Variants in GALNT13 observed in about 807,000 individuals in gnomAD.
The protein encoded by GALNT13 is polypeptide N-acetylgalactosaminyltransferase 13.
In GALNT13, 28 loss-of-function variants were observed where a neutral mutation model predicts 64.2. The ratio of observed to expected loss-of-function variants is 0.44; its 90% CI spans 0.32 to 0.60. The LOEUF is 0.60. Ranked by LOEUF, GALNT13 falls within the 20% of genes least tolerant of loss-of-function variation. The pLI, the probability that GALNT13 is intolerant of heterozygous loss-of-function variation, is 0.05. For synonymous variants in GALNT13, 214 were observed against 224.6 expected, an observed-to-expected ratio of 0.95 and a Z score of 0.42; for missense variants, 577 against 669.8, an observed-to-expected ratio of 0.86 and a Z score of 1.53.
chr2:154,211,588 A>T (rs1162576187), intron 4 of GALNT13, among the ~76,000 whole-genome samples: 2 of 129,416 alleles, frequency 1.5e-5, no homozygotes, highest in Non-Finnish European at 3.1e-5. Context: ...AGATTGCACC[A>T]TTGCACTCCA....
the GALNT13 span, among the ~76,000 whole-genome samples, chr2:153,491,812 G>C: frequency 6.6e-6 from 1 of 151,786 alleles, no homozygotes; most frequent in Non-Finnish European, 1.5e-5. Context: ...GTAGAGACAG[G>C]GTTTCACCAT....
the GALNT13 span, among the ~76,000 whole-genome samples, chr2:153,640,409 T>C: frequency 2.0e-5 from 3 of 152,100 alleles, no homozygotes; most frequent in Non-Finnish European, 4.4e-5. Flanking sequence ...GCTCAAATGA[T>C]CACTACATTT....
the GALNT13 span, among the ~76,000 whole-genome samples, chr2:153,466,460 T>TA: frequency 0.031 from 4,777 of 151,706 alleles, 103 homozygotes; most frequent in Middle Eastern, 0.071. Context: ...GTTTTTTTTT[T>TA]AATATATCTG....
chr2:153,909,333 A>C (rs929762005), intron 2 of GALNT13, among the ~76,000 whole-genome samples: 1 of 152,066 alleles, frequency 6.6e-6, no homozygotes, highest in Non-Finnish European at 1.5e-5. Context: ...AGGAGCTTTC[A>C]AGCTGAGATT....
Position 154,453,012 on chromosome 2 carries a change from T to A in GALNT13, c.*2461T>A, listed in dbSNP as rs944888402. The A allele has an allele frequency of 3.8e-4, 58 of 152,124 alleles. 1 individual carries two copies. Among genetic ancestry groups the A allele is most frequent in the African/African-American group, 1.3e-3 (53 of 41,446 alleles). 9.4% of individuals were successfully genotyped at this position (152,124 alleles called of 1,614,324 possible). On this transcript the variant is annotated 3_prime_UTR_variant, in exon 13 of 13. Transcript: ENST00000392825. The stretch of plus-strand genomic sequence containing the variant: ...TGAAAGTTGCTTTTGACTCCTCTAT[T>A]TCTGTTTCAACTCTCGTCTAATCCA...
the GALNT13 span, among the ~76,000 whole-genome samples, chr2:153,671,348 ATC>A: frequency 1.3e-5 from 2 of 152,206 alleles, no homozygotes; most frequent in Non-Finnish European, 2.9e-5. Context: ...CTAACAGTGG[ATC>A]TCTCTGCAGA....
chr2:153,666,854 G>T, the GALNT13 span, among the ~76,000 whole-genome samples: 3 of 152,070 alleles, frequency 2.0e-5, no homozygotes, highest in African/African-American at 7.2e-5. Context: ...TTCAGAATCA[G>T]GGTGGAAATG....
intron 4 of GALNT13, among the ~76,000 whole-genome samples, chr2:154,238,793 T>C (rs1689328219): frequency 6.6e-6 from 1 of 152,034 alleles, no homozygotes; most frequent in Non-Finnish European, 1.5e-5. Flanking sequence ...TGTGAAATGA[T>C]CAAGTTAACA....
the GALNT13 span, among the ~76,000 whole-genome samples, chr2:153,339,997 T>C: frequency 6.6e-4 from 100 of 152,262 alleles, 1 homozygote; most frequent in African/African-American, 2.3e-3. Flanking sequence ...GTCTTTATTA[T>C]TGTAGCTTTA....
the GALNT13 span, among the ~76,000 whole-genome samples, chr2:153,788,540 A>G: frequency 3.9e-5 from 6 of 152,150 alleles, no homozygotes; most frequent in Admixed American, 3.9e-4. Flanking sequence ...GCAACCACAC[A>G]AACAAGTTGA....
At chr2:154,442,588 C>G (rs916576918) in intron 12 of GALNT13, among the ~76,000 whole-genome samples, 1 of 152,062 alleles carries the variant, frequency 6.6e-6, no homozygotes, top group South Asian at 2.1e-4. Context: ...GAAAAAAATT[C>G]ATCTCACTGA....
intron 3 of GALNT13, among the ~76,000 whole-genome samples, chr2:154,054,765 G>A (rs1699815446): frequency 6.6e-6 from 1 of 151,884 alleles, no homozygotes; most frequent in Non-Finnish European, 1.5e-5. Context: ...TTGTAGGAGG[G>A]AAACAGGATC....
intron 2 of GALNT13, among the ~76,000 whole-genome samples, chr2:153,914,570 T>C (rs1270218863): frequency 6.6e-6 from 1 of 152,288 alleles, no homozygotes; most frequent in Non-Finnish European, 1.5e-5. Context: ...TATTCTGATT[T>C]TGTTAGGATT....
At chr2:153,858,896 C>T in the GALNT13 span, among the ~76,000 whole-genome samples, 3 of 152,114 alleles carry the variant, frequency 2.0e-5, no homozygotes, top group Admixed American at 1.3e-4. Context: ...CCATGCCCAA[C>T]TAATTTTTGT....
chr2:154,070,940 A>G (rs1225367798), intron 3 of GALNT13, among the ~76,000 whole-genome samples: 1 of 151,838 alleles, frequency 6.6e-6, no homozygotes, highest in Non-Finnish European at 1.5e-5. Flanking sequence ...AGAAAAAAGG[A>G]AAAAGAAAAG....
the GALNT13 span, among the ~76,000 whole-genome samples, chr2:153,683,022 TAGGAAAAAAA>T: frequency 4.6e-5 from 7 of 151,734 alleles, no homozygotes; most frequent in East Asian, 1.4e-3. Flanking sequence ...GGTGAATGAT[TAGGAAAAAAA>T]AGGAAAAACA....
the GALNT13 span, among the ~76,000 whole-genome samples, chr2:153,113,610 G>A: frequency 6.6e-6 from 1 of 151,964 alleles, no homozygotes; most frequent in Non-Finnish European, 1.5e-5. Flanking sequence ...AAGATGGATT[G>A]TTGTAGTCTT....
the GALNT13 span, among the ~76,000 whole-genome samples, chr2:153,132,678 C>G: frequency 9.9e-5 from 15 of 152,230 alleles, no homozygotes; most frequent in South Asian, 2.7e-3. Context: ...TTGGTGAAGA[C>G]ATTTCTCACA....
the GALNT13 span, among the ~76,000 whole-genome samples, chr2:153,555,655 A>T: frequency 1.3e-5 from 2 of 152,318 alleles, no homozygotes; most frequent in East Asian, 3.9e-4. Context: ...GGAGACTGAA[A>T]CATAAAATAT....
Sources: allele counts gnomAD v4.1 joint callset (sites outside exome capture counted in the v4.1 genomes callset), GRCh38; gene constraint gnomAD v4.1.1; transcripts MANE v1.5; gene names NCBI Gene and HGNC (gene_info 2026-07-23, HGNC 2026-07-21).